The following PEAK1 variants were observed in gnomAD, a reference collection of about 807,000 sequenced individuals.
PEAK1 encodes the protein inactive tyrosine-protein kinase PEAK1.
A neutral mutation model predicts 124.7 loss-of-function variants in PEAK1; 54 were observed. The ratio of observed to expected loss-of-function variants is 0.43; its 90% CI spans 0.35 to 0.54. The LOEUF (loss-of-function observed/expected upper bound fraction) is 0.54. Among genes scored for constraint, PEAK1 ranks in the 20% least tolerant of loss-of-function variants. The probability of loss-of-function intolerance (pLI) is 0.01; values close to 1 mark genes in which losing one functional copy is unlikely to be tolerated. For synonymous variants in PEAK1, 719 were observed against 760.0 expected (o/e 0.95, Z 0.89); for missense variants, 2,046 against 2,134.5 (o/e 0.96, Z 0.82).
chr15:77,141,640 T>C (rs2053793436), intron 8 of PEAK1, among the ~76,000 whole-genome samples: 2 of 152,208 alleles, frequency 1.3e-5, no homozygotes, highest in South Asian at 4.1e-4. Flanking sequence ...TACAAAATTA[T>C]AGTAATCAAG....
intron 1 of PEAK1, chr15:77,402,443 A>C: frequency 1.0e-6 from 1 of 985,190 alleles, no homozygotes; most frequent in Non-Finnish European, 1.2e-6. Flanking sequence ...CTTCAATGTC[A>C]CTGCATATCT....
intron 2 of PEAK1, among the ~76,000 whole-genome samples, chr15:77,288,914 CA>C (rs1318600451): frequency 6.4e-5 from 7 of 109,532 alleles, no homozygotes; most frequent in Non-Finnish European, 9.0e-5. Flanking sequence ...GGGCACAAAG[CA>C]AGACTCCGTC....
intron 6 of PEAK1, among the ~76,000 whole-genome samples, chr15:77,222,908 C>A (rs923590362): frequency 6.6e-6 from 1 of 152,020 alleles, no homozygotes. Flanking sequence ...ACACAGGTAA[C>A]AAGGACAACT....
In PEAK1 at chr15:77,252,475, G is replaced by A; in HGVS notation, c.-223C>T. On this transcript the variant is annotated 5_prime_UTR_variant, in exon 6 of 10. Transcript: ENST00000682557. ...TGCTTTGGGTCTTTCCAAGATGAAT[G>A]TCCTTTCTTCCTTGCCTCTCATTCC... 1 of 984,970 alleles carries A rather than the reference G, an allele frequency of 1.0e-6. No homozygotes were observed. Among genetic ancestry groups the A allele is most frequent in the South Asian group, 4.7e-5 (1 of 21,266 alleles). 61.0% of individuals were successfully genotyped at this position (984,970 alleles called of 1,614,324 possible).
intron 2 of PEAK1, chr15:77,335,468 C>T (rs2066141578): frequency 3.0e-6 from 3 of 985,340 alleles, no homozygotes; most frequent in African/African-American, 1.7e-5. Flanking sequence ...TATCACTATA[C>T]ATCACGTTGA....
chr15:77,177,203 G>A (rs1408934161), intron 7 of PEAK1, among the ~76,000 whole-genome samples: 3 of 152,088 alleles, frequency 2.0e-5, no homozygotes, highest in African/African-American at 7.2e-5. Context: ...TGATCTGCCC[G>A]CCTTGGCCTC....
chr15:77,221,729 T>C (rs2059401027), intron 6 of PEAK1, among the ~76,000 whole-genome samples: 1 of 152,134 alleles, frequency 6.6e-6, no homozygotes, highest in Admixed American at 6.6e-5. Context: ...ATAGCCTATA[T>C]GCTTGTATTT....
chr15:77,125,498 ATGTGTGTGTG>A (rs539532020), intron 9 of PEAK1, among the ~76,000 whole-genome samples: 2 of 150,180 alleles, frequency 1.3e-5, no homozygotes, highest in African/African-American at 2.4e-5. Flanking sequence ...GTGTGTGTGT[ATGTGTGTGTG>A]TGTGTATATA....
intron 6 of PEAK1, among the ~76,000 whole-genome samples, chr15:77,230,113 G>A (rs1010787177): frequency 2.6e-5 from 4 of 152,078 alleles, no homozygotes; most frequent in Non-Finnish European, 5.9e-5. Context: ...ATTTAAGACA[G>A]GGAAAACATT....
chr15:77,215,523 C>T (rs550375456), intron 6 of PEAK1, among the ~76,000 whole-genome samples: 6 of 152,204 alleles, frequency 3.9e-5, no homozygotes, highest in African/African-American at 1.4e-4. Context: ...TTACTTATAA[C>T]ACCTAATACA....
intron 2 of PEAK1, chr15:77,335,174 A>G: frequency 1.0e-6 from 1 of 985,462 alleles, no homozygotes; most frequent in Non-Finnish European, 1.2e-6. Flanking sequence ...ACATGCATTA[A>G]GTTTACTGTC....
intron 1 of PEAK1, chr15:77,404,506 G>C: frequency 8.2e-6 from 4 of 487,886 alleles, no homozygotes; most frequent in African/African-American, 2.1e-5. Flanking sequence ...ATTTATACTA[G>C]AATAAAATAT....
Position 77,179,017 on chromosome 15 carries a change from G to A in PEAK1, c.2910C>T (p.Arg970=). 1 of 1,614,140 alleles carries A rather than the reference G, an allele frequency of 6.2e-7. No homozygotes were observed. Among genetic ancestry groups the A allele is most frequent in the East Asian group, 2.2e-5 (1 of 44,876 alleles). The change falls in exon 7 of 10, where the codon CGC becomes CGT. Residue 970 remains arginine, a synonymous_variant. Transcript: ENST00000682557. ...IHMLPPPPVQ[R]HHWFTEAKGE... The stretch of plus-strand genomic sequence containing the variant: ...CTTTCGCCTCTGTGAACCAGTGATG[G>A]CGCTGAACTGGAGGAGGAGGCAGCA...
Position 77,114,088 on chromosome 15 carries a change from A to G in PEAK1, c.*68T>C. 4 of 1,490,618 alleles carry G rather than the reference A, an allele frequency of 2.7e-6. No homozygotes were observed. In the South Asian group the frequency reaches 3.7e-5, roughly 14 times the overall value. The allele number at this position is 1,490,618 out of a possible 1,614,324, so 92.3% of individuals were successfully genotyped here. ...TTTCCTTGAATTTGGAGTGAGCACT[A>G]GGGAGGGGAAGTGCATGGGTGACAT... is the stretch of plus-strand genomic sequence containing the variant. On this transcript the variant is annotated 3_prime_UTR_variant, in exon 10 of 10. Transcript: ENST00000682557.
At position 77,402,168 on chromosome 15, in the gene PEAK1, GA is replaced by G. The variant is rs34571341; in HGVS notation, c.-666+17837del. 1,508 of 852,018 alleles carry G rather than the reference GA, an allele frequency of 1.8e-3. 3 individuals are homozygous for G. Among genetic ancestry groups the G allele is most frequent in the African/African-American group, 6.7e-3 (338 of 50,190 alleles). The allele number at this position is 852,018 out of a possible 1,614,324, so 52.8% of individuals were successfully genotyped here. ...GAGCCAAGAGGGACACTCCACCTCG[GA>G]AAAAAAAAAAAAAGGGACCAGATTT... On this transcript the variant is annotated intron_variant, in intron 1 of 9. Coordinates refer to ENST00000682557, the MANE Select transcript of PEAK1 (RefSeq NM_001385026.1).
At chr15:77,285,977 C>G (rs1333896532) in intron 3 of PEAK1, among the ~76,000 whole-genome samples, 2 of 152,092 alleles carry the variant, frequency 1.3e-5, no homozygotes, top group African/African-American at 2.4e-5. Context: ...TTCCTGCTTT[C>G]TCTTGTGGGC....
At chr15:77,174,581 TAAAA>T (rs1242572351) in intron 7 of PEAK1, among the ~76,000 whole-genome samples, 1 of 152,170 alleles carries the variant, frequency 6.6e-6, no homozygotes. Context: ...TTCAAAAAGT[TAAAA>T]AAAGCTACTG....
At chr15:77,274,727 T>C (rs1362575805) in intron 5 of PEAK1, among the ~76,000 whole-genome samples, 1 of 152,064 alleles carries the variant, frequency 6.6e-6, no homozygotes, top group Admixed American at 6.6e-5. Flanking sequence ...GAATATAAAC[T>C]AGTACACCAC....
At chr15:77,308,920 T>C (rs1459304606) in intron 2 of PEAK1, among the ~76,000 whole-genome samples, 10 of 151,958 alleles carry the variant, frequency 6.6e-5, no homozygotes, top group African/African-American at 2.4e-4. Context: ...AGTTACTGTA[T>C]ACAATACAAA....
Sources: allele counts gnomAD v4.1 joint callset (sites outside exome capture counted in the v4.1 genomes callset), GRCh38; gene constraint gnomAD v4.1.1; transcripts MANE v1.5; gene names NCBI Gene and HGNC (gene_info 2026-07-23, HGNC 2026-07-21).